Variants in GRIK4 observed in about 807,000 individuals in gnomAD.
The protein encoded by GRIK4 is glutamate ionotropic receptor kainate type subunit 4.
A neutral mutation model predicts 104.9 loss-of-function variants in GRIK4; 40 were observed. The observed-to-expected ratio is 0.38, with a 90% CI of 0.30 to 0.50. GRIK4 has a LOEUF of 0.50. GRIK4 is among the 20% of genes least tolerant of loss of function. The probability of loss-of-function intolerance (pLI) is 0.93; values close to 1 mark genes in which losing one functional copy is unlikely to be tolerated. For missense variants in GRIK4, 1,047 were observed against 1,308.1 expected (o/e 0.80, Z 3.08); for synonymous variants, 485 against 524.9 (o/e 0.92, Z 1.04).
At chr11:120,732,578 G>T (rs986013172) in intron 3 of GRIK4, among the ~76,000 whole-genome samples, 17 of 151,894 alleles carry the variant, frequency 1.1e-4, no homozygotes, top group African/African-American at 3.9e-4. Context: ...TTCCATTATC[G>T]TTTGTTTAAA....
At chr11:120,564,483 G>C (rs1948284538) in intron 1 of GRIK4, 1 of 152,224 alleles carries the variant, frequency 6.6e-6, no homozygotes, top group Non-Finnish European at 1.5e-5. Context: ...GGAGCGCAGG[G>C]CTGGGAAGGG....
chr11:120,807,751 A>G (rs774405658), intron 4 of GRIK4, among the ~76,000 whole-genome samples: 1 of 152,254 alleles, frequency 6.6e-6, no homozygotes, highest in South Asian at 2.1e-4. Flanking sequence ...AGCTACCCGC[A>G]TCATAGGCAT....
At chr11:120,828,226 C>G (rs1160261823) in intron 6 of GRIK4, among the ~76,000 whole-genome samples, 1 of 152,226 alleles carries the variant, frequency 6.6e-6, no homozygotes, top group Non-Finnish European at 1.5e-5. Context: ...CTACCTAACA[C>G]TGAAATCATT....
intron 3 of GRIK4, among the ~76,000 whole-genome samples, chr11:120,766,345 C>T (rs1951839505): frequency 6.6e-6 from 1 of 152,256 alleles, no homozygotes; most frequent in African/African-American, 2.4e-5. Context: ...GACTGCTGTG[C>T]TGGCAGCGGG....
At chr11:120,862,174 C>T (rs771793297) in intron 9 of GRIK4, 54 bp downstream of exon 9, 1 of 1,487,564 alleles carries the variant, frequency 6.7e-7, no homozygotes, top group Non-Finnish European at 9.2e-7. Context: ...CACATTGCCC[C>T]TCTGTGGGCC....
At chr11:120,789,612 G>A (rs551324839) in intron 3 of GRIK4, among the ~76,000 whole-genome samples, 3 of 152,132 alleles carry the variant, frequency 2.0e-5, no homozygotes, top group Non-Finnish European at 4.4e-5. Flanking sequence ...ATCGCCTGTC[G>A]GAAGCCCTCC....
intron 1 of GRIK4, among the ~76,000 whole-genome samples, chr11:120,598,066 C>T (rs1034160867): frequency 5.3e-5 from 8 of 152,172 alleles, no homozygotes; most frequent in African/African-American, 1.9e-4. Context: ...AACAGACTTC[C>T]CCTCCTGCGC....
intron 3 of GRIK4, among the ~76,000 whole-genome samples, chr11:120,727,969 G>T (rs1041218534): frequency 6.6e-6 from 1 of 151,910 alleles, no homozygotes; most frequent in African/African-American, 2.4e-5. Context: ...TGAACAATAG[G>T]CATCCCTGTG....
chr11:120,834,123 G>A (rs1259707009), intron 7 of GRIK4, among the ~76,000 whole-genome samples: 5 of 152,256 alleles, frequency 3.3e-5, no homozygotes, highest in South Asian at 4.1e-4. Context: ...TTAAAGGTAC[G>A]CATGCTTTTA....
chr11:120,896,485 G>A lies in GRIK4; in HGVS notation c.1165-2047G>A, dbSNP rs993970262. 5.9e-5 allele frequency among the ~76,000 whole-genome samples: 9 copies of A among 152,354 alleles called. No individual in the cohort carries two copies. In the South Asian group the frequency reaches 6.2e-4, roughly 11 times the overall value. Reference sequence around the variant, plus strand: ...TTTCCAGGTGGCATTCTTGCAGGGCGTGGACGGGAGCATTTGGTCATCTCC... The same window carrying A: ...TTTCCAGGTGGCATTCTTGCAGGGCATGGACGGGAGCATTTGGTCATCTCC... On this transcript the variant is annotated intron_variant, in intron 11 of 20. Transcript: ENST00000527524.
At chr11:120,910,406 TTGGGTGGCCTCTCACCC>T (rs1942965167) in intron 13 of GRIK4, among the ~76,000 whole-genome samples, 1 of 152,098 alleles carries the variant, frequency 6.6e-6, no homozygotes, top group African/African-American at 2.4e-5. Context: ...ACTGGGCCAG[TTGGGTGGCCTCTCACCC>T]TGGGGCTGTG....
intron 2 of GRIK4, among the ~76,000 whole-genome samples, chr11:120,657,355 C>T (rs992397262): frequency 3.9e-5 from 6 of 152,202 alleles, no homozygotes; most frequent in African/African-American, 1.4e-4. Flanking sequence ...TATCCCTGCA[C>T]CAACACCCAT....
intron 1 of GRIK4, among the ~76,000 whole-genome samples, chr11:120,638,269 A>C (rs924272425): frequency 2.0e-5 from 3 of 151,870 alleles, no homozygotes; most frequent in Non-Finnish European, 4.4e-5. Flanking sequence ...CCCACTTAAA[A>C]CTCTTAACAC....
chr11:120,574,558 C>T (rs1452001351), intron 1 of GRIK4, among the ~76,000 whole-genome samples: 1 of 152,200 alleles, frequency 6.6e-6, no homozygotes, highest in Non-Finnish European at 1.5e-5. Context: ...CCTCTACCTC[C>T]ATAACATTGC....
intron 11 of GRIK4, among the ~76,000 whole-genome samples, chr11:120,885,846 T>C (rs563639660): frequency 2.0e-5 from 3 of 152,340 alleles, no homozygotes; most frequent in African/African-American, 7.2e-5. Flanking sequence ...GCATTTTTAG[T>C]CAGAGCTGAC....
intron 3 of GRIK4, among the ~76,000 whole-genome samples, chr11:120,780,425 T>A (rs1441904026): frequency 1.3e-5 from 2 of 152,238 alleles, no homozygotes; most frequent in African/African-American, 4.8e-5. Flanking sequence ...CTTAGCATAA[T>A]GTTTACAAAG....
chr11:120,516,513 C>T (rs1444642188), intron 1 of GRIK4, among the ~76,000 whole-genome samples: 1 of 151,942 alleles, frequency 6.6e-6, no homozygotes, highest in South Asian at 2.1e-4. Flanking sequence ...GGTAGAACTG[C>T]TGGAATCCAA....
intron 1 of GRIK4, among the ~76,000 whole-genome samples, chr11:120,609,238 G>T (rs1345573033): frequency 6.6e-6 from 1 of 151,966 alleles, no homozygotes; most frequent in African/African-American, 2.4e-5. Context: ...GCAGGTGGGG[G>T]TGAAGTCGAA....
chr11:120,796,370 T>A (rs900173410), intron 3 of GRIK4, among the ~76,000 whole-genome samples: 16 of 152,166 alleles, frequency 1.1e-4, no homozygotes, highest in African/African-American at 3.9e-4. Context: ...GTTGCTTGAA[T>A]CTGCAGATGC....
Sources: gnomAD v4.1 joint callset for allele counts (sites outside exome capture counted in the v4.1 genomes callset) on GRCh38, gnomAD v4.1.1 for gene constraint, MANE v1.5 for transcripts, NCBI Gene and HGNC (gene_info 2026-07-23, HGNC 2026-07-21) for gene names.